CCDC90B: variants seen among roughly 807,000 people sequenced by gnomAD.
The protein encoded by CCDC90B is coiled-coil domain-containing protein 90B, mitochondrial.
Under a neutral mutation model 37.0 loss-of-function variants are expected in CCDC90B, and 24 were observed. The ratio of observed to expected loss-of-function variants is 0.65; its 90% CI spans 0.47 to 0.91. CCDC90B has a LOEUF of 0.91. Ranked by LOEUF, CCDC90B falls within the 40% of genes least tolerant of loss-of-function variation. The probability of loss-of-function intolerance (pLI) is 0.00; values close to 1 mark genes in which losing one functional copy is unlikely to be tolerated. For synonymous variants in CCDC90B, 113 were observed against 101.1 expected (o/e 1.12, Z -0.71); for missense variants, 319 against 299.0 (o/e 1.07, Z -0.49).
intron 7 of CCDC90B, among the ~76,000 whole-genome samples, chr11:83,271,564 G>A (rs1008168460): frequency 1.1e-4 from 16 of 152,284 alleles, no homozygotes; most frequent in African/African-American, 3.9e-4. Context: ...ACCACAATGA[G>A]ATACCATCTC....
intron 1 of CCDC90B, among the ~76,000 whole-genome samples, chr11:83,284,499 C>T (rs1217840906): frequency 6.6e-6 from 1 of 152,214 alleles, no homozygotes; most frequent in Non-Finnish European, 1.5e-5. Context: ...GGTCTACTAA[C>T]GTGCTACACT....
intron 1 of CCDC90B, among the ~76,000 whole-genome samples, chr11:83,280,467 A>G (rs1299352025): frequency 6.6e-6 from 1 of 152,182 alleles, no homozygotes; most frequent in Non-Finnish European, 1.5e-5. Context: ...CATTCAATAA[A>G]TGTTTCTTTT....
chr11:83,273,245 G>GTTATTT (rs1182471795), intron 7 of CCDC90B: 3 of 143,758 alleles, frequency 2.1e-5, no homozygotes, highest in Non-Finnish European at 4.5e-5. Context: ...TTAAAAAATA[G>GTTATTT]TTATTTTCTT....
chr11:83,278,037 G>C (rs1419249494), intron 3 of CCDC90B, among the ~76,000 whole-genome samples: 1 of 152,030 alleles, frequency 6.6e-6, no homozygotes, highest in Non-Finnish European at 1.5e-5. Flanking sequence ...TTCCAGTTAA[G>C]TTCATTTAGT....
At chr11:83,285,202 G>A in intron 1 of CCDC90B, 1 of 1,285,798 alleles carries the variant, frequency 7.8e-7, no homozygotes, top group Non-Finnish European at 1.0e-6. Context: ...ACCTTAAAAC[G>A]GTTTAAAAAC....
At chr11:83,285,087 A>G (rs1865601056) in intron 1 of CCDC90B, 1 of 1,120,226 alleles carries the variant, frequency 8.9e-7, no homozygotes, top group South Asian at 1.7e-5. Flanking sequence ...AGTATAAATA[A>G]CAGCGTAGAA....
Position 83,260,233 on chromosome 11 carries a change from CTTAAGA to C in CCDC90B, c.*1672_*1677del, listed in dbSNP as rs1352343787. ...TAATTTACTTGTTTATGTCTCTCTC[CTTAAGA>C]TTGTCAATTCAATGAGAATGAAACC... On this transcript the variant is annotated 3_prime_UTR_variant, in exon 9 of 9. Transcript: ENST00000529689. The C allele has an allele frequency of 6.6e-6, 1 of 152,132 alleles. No homozygotes were observed. Among genetic ancestry groups the C allele is most frequent in the Non-Finnish European group, 1.5e-5 (1 of 68,034 alleles). The allele number at this position is 152,132 out of a possible 1,614,324, so 9.4% of individuals were successfully genotyped here. A position where few individuals can be genotyped will look rare whatever the true frequency, so the allele number is the denominator to read the frequency against.
intron 7 of CCDC90B, among the ~76,000 whole-genome samples, chr11:83,271,074 T>C (rs1591042087): frequency 6.6e-6 from 1 of 152,270 alleles, no homozygotes; most frequent in East Asian, 1.9e-4. Context: ...TAGCCATATG[T>C]AGAAAGCTGA....
At chr11:83,265,269 G>T (rs523887) in intron 8 of CCDC90B, among the ~76,000 whole-genome samples, 39,867 of 151,788 alleles carry the variant, frequency 0.26, 5,347 homozygotes, top group Middle Eastern at 0.41. Context: ...TTGGGATAGT[G>T]TCTATGCTGA....
At chr11:83,268,806 T>C in intron 7 of CCDC90B, among the ~76,000 whole-genome samples, 1 of 152,216 alleles carries the variant, frequency 6.6e-6, no homozygotes, top group East Asian at 1.9e-4. Flanking sequence ...AGAGTATACA[T>C]TCTTCTCAGC....
intron 7 of CCDC90B, among the ~76,000 whole-genome samples, chr11:83,269,594 A>G (rs1195754326): frequency 6.6e-6 from 1 of 152,242 alleles, no homozygotes; most frequent in East Asian, 1.9e-4. Flanking sequence ...ATACCCTCCC[A>G]AGACTAAACC....
chr11:83,280,029 G>T, intron 2 of CCDC90B, 112 bp downstream of exon 2: 3 of 998,274 alleles, frequency 3.0e-6, no homozygotes, highest in African/African-American at 1.6e-5. Context: ...TCATTGTATG[G>T]ATGGTACATC....
chr11:83,285,149 G>T (rs1865605720), intron 1 of CCDC90B: 1 of 1,272,978 alleles, frequency 7.9e-7, no homozygotes, highest in Non-Finnish European at 1.0e-6. Context: ...ATTCAAGAAG[G>T]TGAACAGAGA....
Position 83,286,213 on chromosome 11 carries a change from C to T in CCDC90B, c.-241G>A. 6 of 1,525,522 alleles carry T rather than the reference C, an allele frequency of 3.9e-6. No individual in the cohort carries two copies. The highest frequency in any genetic ancestry group is 5.3e-6 in the Non-Finnish European group (6 of 1,138,792). 94.5% of individuals were successfully genotyped at this position (1,525,522 alleles called of 1,614,324 possible). A position where few individuals can be genotyped will look rare whatever the true frequency, so the allele number is the denominator to read the frequency against. ...CGCTTCTCCCAGCGCCCCTTCCCGA[C>T]CTTTGAACGCCTTCACCGCCCTAGG... On this transcript the variant is annotated 5_prime_UTR_variant, in exon 1 of 9. Coordinates refer to ENST00000529689, the MANE Select transcript of CCDC90B (RefSeq NM_021825.5).
rs1207352927 is a variant in CCDC90B at position 83,260,680 on chromosome 11, A to G, written c.*1231T>C. 1 of 152,228 alleles carries G rather than the reference A, an allele frequency of 6.6e-6. No individual in the cohort carries two copies. The highest frequency in any genetic ancestry group is 1.5e-5 in the Non-Finnish European group (1 of 68,034). 9.4% of individuals were successfully genotyped at this position (152,228 alleles called of 1,614,324 possible). On this transcript the variant is annotated 3_prime_UTR_variant, in exon 9 of 9. Transcript: ENST00000529689. ...CTTTTATAGCTATTACCAAGGCATT[A>G]TGAACTCAAAATGTTTACTTTCTGG...
At chr11:83,279,847 G>T (rs1865280220) in intron 2 of CCDC90B, among the ~76,000 whole-genome samples, 1 of 150,622 alleles carries the variant, frequency 6.6e-6, no homozygotes, top group African/African-American at 2.4e-5. Flanking sequence ...TCAAACATTT[G>T]TACTTCCACA....
intron 4 of CCDC90B, 126 bp from the exon 5 acceptor site, chr11:83,274,118 GA>G (rs34416960): frequency 0.4 from 216,818 of 542,156 alleles, 46,421 homozygotes; most frequent in African/African-American, 0.57. Context: ...AATTGATAAG[GA>G]AAAAAATCTT....
chr11:83,278,594 T>A (rs1865182305), intron 3 of CCDC90B, 132 bp downstream of exon 3: 1 of 572,174 alleles, frequency 1.7e-6, no homozygotes, highest in South Asian at 2.4e-5. Flanking sequence ...ATTCAATGTT[T>A]TTTTTTGTGG....
intron 1 of CCDC90B, among the ~76,000 whole-genome samples, chr11:83,284,624 A>G (rs1865575214): frequency 6.6e-6 from 1 of 152,236 alleles, no homozygotes; most frequent in Non-Finnish European, 1.5e-5. Flanking sequence ...TAAACATTCA[A>G]TATTTGTTTA....
Sources: allele counts gnomAD v4.1 joint callset (sites outside exome capture counted in the v4.1 genomes callset), GRCh38; gene constraint gnomAD v4.1.1; transcripts MANE v1.5; gene names NCBI Gene and HGNC (gene_info 2026-07-23, HGNC 2026-07-21).